The following REV1 variants were observed in gnomAD, a reference collection of about 807,000 sequenced individuals.
REV1 encodes the protein REV1 DNA directed polymerase.
Under a neutral mutation model 137.4 loss-of-function variants are expected in REV1, and 42 were observed. The ratio of observed to expected loss-of-function variants is 0.31; its 90% CI spans 0.24 to 0.40. The LOEUF is 0.40. Among genes scored for constraint, REV1 ranks in the 10% least tolerant of loss-of-function variants. The pLI is 1.00. For missense variants in REV1, 1,282 were observed against 1,490.1 expected (o/e 0.86, Z 2.30); for synonymous variants, 524 against 519.2 (o/e 1.01, Z -0.12).
chr2:99,407,704 A>AGGTACAAAATTTAT (rs1435171238), intron 15 of REV1, among the ~76,000 whole-genome samples: 1 of 152,210 alleles, frequency 6.6e-6, no homozygotes, highest in Non-Finnish European at 1.5e-5. Flanking sequence ...AGGAACTTAA[A>AGGTACAAAATTTAT]GGTACAAAAT....
intron 3 of REV1, among the ~76,000 whole-genome samples, chr2:99,458,319 TAAGA>T (rs1425345035): frequency 1.3e-5 from 2 of 152,028 alleles, no homozygotes; most frequent in African/African-American, 4.8e-5. Context: ...GATGTAAAGA[TAAGA>T]AATAAACACA....
intron 2 of REV1, 44 bp downstream of exon 2, chr2:99,464,878 A>G (rs751223945): frequency 6.4e-7 from 1 of 1,558,092 alleles, no homozygotes; most frequent in Middle Eastern, 1.7e-4. Context: ...ATGAAAAATA[A>G]CTAGACAGTT....
At chr2:99,446,744 T>G (rs1162180060) in intron 4 of REV1, among the ~76,000 whole-genome samples, 2 of 152,118 alleles carry the variant, frequency 1.3e-5, no homozygotes, top group African/African-American at 4.8e-5. Flanking sequence ...CCACCCACCT[T>G]GGCCTCCCAA....
At chr2:99,433,143 G>T (rs1190520136) in intron 8 of REV1, among the ~76,000 whole-genome samples, 1 of 151,982 alleles carries the variant, frequency 6.6e-6, no homozygotes, top group Non-Finnish European at 1.5e-5. Context: ...TAGAACTTAA[G>T]ATTTCATCTG....
In REV1 at chr2:99,429,962, A is replaced by G; in HGVS notation, c.1439-14T>C. ...CTGGTATATCTGCTTTAAAAATAAAAAAAAATTAATGGTTATATGTTATAA... is the reference window on the plus strand; with the variant it reads ...CTGGTATATCTGCTTTAAAAATAAAGAAAAATTAATGGTTATATGTTATAA... On this transcript the variant is annotated splice_polypyrimidine_tract_variant and intron_variant, in intron 8 of 22. Coordinates refer to ENST00000258428, the MANE Select transcript of REV1 (RefSeq NM_016316.4). The G allele has an allele frequency of 6.7e-7, 1 of 1,497,054 alleles. No homozygotes were observed. Among genetic ancestry groups the G allele is most frequent in the Non-Finnish European group, 9.1e-7 (1 of 1,101,792 alleles). 92.7% of individuals were successfully genotyped at this position (1,497,054 alleles called of 1,614,324 possible).
intron 3 of REV1, among the ~76,000 whole-genome samples, chr2:99,456,806 T>C (rs1188616996): frequency 6.6e-6 from 1 of 152,194 alleles, no homozygotes; most frequent in African/African-American, 2.4e-5. Flanking sequence ...TGAATGAATA[T>C]ACTTCCAGTT....
intron 1 of REV1, among the ~76,000 whole-genome samples, chr2:99,480,343 T>A (rs1274103747): frequency 6.6e-6 from 1 of 152,084 alleles, no homozygotes; most frequent in South Asian, 2.1e-4. Context: ...CAAAAAGATG[T>A]TTAGGACAAC....
chr2:99,413,456 G>A (rs1677457071), intron 12 of REV1, among the ~76,000 whole-genome samples: 2 of 152,176 alleles, frequency 1.3e-5, no homozygotes, highest in Non-Finnish European at 2.9e-5. Context: ...CCAAAGTCCA[G>A]AAATGTTACA....
At position 99,438,719 on chromosome 2, in the gene REV1, C is replaced by G; in HGVS notation, c.1095G>C (p.Lys365Asn). ...HSRLHHISMW[K>N]CELTEFVNTL... ...TATTGACAAACTCAGTCAATTCACA[C>G]TTCCACATTGATATGTGATGCAGTC... Residue 365 changes from lysine to asparagine, a missense_variant, in exon 6 of 23, where the codon AAG (lysine) becomes AAC (asparagine). By Grantham distance (94) the Lys-to-Asn change is moderately conservative (BLOSUM62 0). Around this residue, in one of 7 missense-constraint regions of REV1, gnomAD observed 432 missense variants for 438.0 expected, o/e 0.99. Coordinates refer to ENST00000258428, the MANE Select transcript of REV1 (RefSeq NM_016316.4). 1 of 1,613,880 alleles carries G rather than the reference C, an allele frequency of 6.2e-7. No homozygotes were observed. Among genetic ancestry groups the G allele is most frequent in the South Asian group, 1.1e-5 (1 of 91,080 alleles).
intron 3 of REV1, among the ~76,000 whole-genome samples, chr2:99,456,399 G>T (rs1683542100): frequency 6.6e-6 from 1 of 152,172 alleles, no homozygotes; most frequent in Non-Finnish European, 1.5e-5. Flanking sequence ...AATAAATGAA[G>T]AGGAAGGTGG....
intron 3 of REV1, among the ~76,000 whole-genome samples, chr2:99,456,575 T>G (rs1255683953): frequency 6.6e-6 from 1 of 152,178 alleles, no homozygotes; most frequent in Non-Finnish European, 1.5e-5. Flanking sequence ...TTATCTCTAA[T>G]CCATGTTTGG....
At chr2:99,425,772 C>T (rs1281767149) in intron 9 of REV1, among the ~76,000 whole-genome samples, 3 of 152,194 alleles carry the variant, frequency 2.0e-5, no homozygotes, top group Non-Finnish European at 4.4e-5. Context: ...CACAGTGGCT[C>T]ATGCCTGTAA....
intron 5 of REV1, among the ~76,000 whole-genome samples, chr2:99,440,011 A>G (rs1317324777): frequency 6.6e-6 from 1 of 152,196 alleles, no homozygotes; most frequent in East Asian, 1.9e-4. Context: ...ATTCAGTAAA[A>G]TTTACACCTA....
chr2:99,428,608 T>A (rs924407069), intron 9 of REV1, among the ~76,000 whole-genome samples: 15 of 152,144 alleles, frequency 9.9e-5, no homozygotes, highest in Admixed American at 2.0e-4. Flanking sequence ...TTAGCAAATT[T>A]AAAAAAAACT....
chr2:99,452,145 C>A (rs1683001198), intron 3 of REV1, among the ~76,000 whole-genome samples: 3 of 151,994 alleles, frequency 2.0e-5, no homozygotes, highest in Admixed American at 2.0e-4. Context: ...AAATTGGGAG[C>A]CAAGCACAGT....
chr2:99,438,434 T>G (rs1575103387), intron 6 of REV1, 167 bp downstream of exon 6: 1 of 579,796 alleles, frequency 1.7e-6, no homozygotes, highest in Non-Finnish European at 3.0e-6. Flanking sequence ...TTAAAAATAT[T>G]TTAATAAATT....
chr2:99,454,421 G>A (rs1035030901), intron 3 of REV1, among the ~76,000 whole-genome samples: 1 of 151,146 alleles, frequency 6.6e-6, no homozygotes, highest in Non-Finnish European at 1.5e-5. Flanking sequence ...GTGGTGGCAT[G>A]CGCCTGTAAC....
At chr2:99,472,617 A>G (rs1256357810) in intron 1 of REV1, among the ~76,000 whole-genome samples, 1 of 152,228 alleles carries the variant, frequency 6.6e-6, no homozygotes, top group East Asian at 1.9e-4. Flanking sequence ...AGTGGACAGG[A>G]TCTTCAGGTG....
At chr2:99,406,561 C>T (rs1574977033) in intron 15 of REV1, 71 bp from the exon 16 acceptor site, 2 of 1,267,956 alleles carry the variant, frequency 1.6e-6, no homozygotes, top group Admixed American at 5.7e-5. Flanking sequence ...TAAGCAAAAT[C>T]CTCAGCAAAT....
Sources: gnomAD v4.1 joint callset for allele counts (sites outside exome capture counted in the v4.1 genomes callset) on GRCh38, gnomAD v4.1.1 for gene constraint, gnomAD v4.1.1 regional missense constraint, MANE v1.5 for transcripts, NCBI Gene and HGNC (gene_info 2026-07-23, HGNC 2026-07-21) for gene names.